ZMYND11: variants seen among roughly 807,000 people sequenced by gnomAD.
The protein encoded by ZMYND11 is zinc finger MYND domain-containing protein 11.
In ZMYND11, 9 loss-of-function variants were observed where a neutral mutation model predicts 84.9. The observed-to-expected ratio is 0.11, with a 90% CI of 0.06 to 0.18. The LOEUF is 0.18. Among genes scored for constraint, ZMYND11 ranks in the 10% least tolerant of loss-of-function variants. The pLI, the probability that ZMYND11 is intolerant of heterozygous loss-of-function variation, is 1.00. For synonymous variants in ZMYND11, 250 were observed against 244.1 expected (o/e 1.02, Z -0.23); for missense variants, 409 against 761.0 (o/e 0.54, Z 5.44).
At chr10:194,261 AC>A (rs895833881) in intron 2 of ZMYND11, among the ~76,000 whole-genome samples, 2 of 149,236 alleles carry the variant, frequency 1.3e-5, no homozygotes, top group African/African-American at 5.0e-5. Flanking sequence ...AAGTGCTGGG[AC>A]CCAGGCTGGT....
intron 2 of ZMYND11, among the ~76,000 whole-genome samples, chr10:203,656 G>A (rs187269660): frequency 2.6e-5 from 4 of 152,302 alleles, no homozygotes; most frequent in African/African-American, 4.8e-5. Context: ...CAGGAAACTT[G>A]TATGTTCTGG....
intron 1 of ZMYND11, among the ~76,000 whole-genome samples, chr10:150,998 C>T (rs1313763732): frequency 6.6e-6 from 1 of 152,196 alleles, no homozygotes; most frequent in African/African-American, 2.4e-5. Context: ...AGACCTGCAG[C>T]TGAGGGTCCT....
At chr10:152,493 A>G (rs1257170685) in intron 1 of ZMYND11, among the ~76,000 whole-genome samples, 1 of 152,232 alleles carries the variant, frequency 6.6e-6, no homozygotes, top group Non-Finnish European at 1.5e-5. Context: ...AAAGGGATCA[A>G]TTCAACAAGA....
At chr10:190,946 G>T (rs972816109) in intron 2 of ZMYND11, among the ~76,000 whole-genome samples, 6 of 151,846 alleles carry the variant, frequency 4.0e-5, no homozygotes, top group African/African-American at 1.5e-4. Context: ...TAGGATCTTT[G>T]AAGAGCATTC....
At chr10:179,621 A>C (rs932040158) in intron 1 of ZMYND11, among the ~76,000 whole-genome samples, 1 of 152,224 alleles carries the variant, frequency 6.6e-6, no homozygotes, top group Non-Finnish European at 1.5e-5. Context: ...TTTAAATTCC[A>C]TTTTGTATTG....
At chr10:237,495 A>C in intron 5 of ZMYND11, 90 bp from the exon 6 acceptor site, 1 of 772,652 alleles carries the variant, frequency 1.3e-6, no homozygotes, top group Non-Finnish European at 2.0e-6. Context: ...TAAAAAATAA[A>C]AAGGTAGAAA....
intron 3 of ZMYND11, 132 bp from the exon 4 acceptor site, chr10:221,063 G>GT: frequency 2.5e-6 from 2 of 799,012 alleles, no homozygotes; most frequent in Non-Finnish European, 4.0e-6. Context: ...TTTCCCTCTT[G>GT]TTTTAACACA....
chr10:247,346 A>T (rs1381876468), intron 11 of ZMYND11, 52 bp from the exon 12 acceptor site: 3 of 1,594,306 alleles, frequency 1.9e-6, no homozygotes, highest in Non-Finnish European at 2.6e-6. Flanking sequence ...TTTTCAGCAG[A>T]GAAGTATTTT....
intron 2 of ZMYND11, among the ~76,000 whole-genome samples, chr10:204,526 C>T (rs1943797378): frequency 6.6e-6 from 1 of 152,080 alleles, no homozygotes; most frequent in Non-Finnish European, 1.5e-5. Context: ...AGCATATCAG[C>T]TGATTTTCTT....
At chr10:172,086 C>T (rs1475357645) in intron 1 of ZMYND11, among the ~76,000 whole-genome samples, 1 of 152,162 alleles carries the variant, frequency 6.6e-6, no homozygotes, top group Non-Finnish European at 1.5e-5. Context: ...TGGCCAGGCA[C>T]GTCTCTGAAG....
chr10:210,680 C>G (rs983866139), intron 3 of ZMYND11, among the ~76,000 whole-genome samples: 1 of 152,128 alleles, frequency 6.6e-6, no homozygotes, highest in Admixed American at 6.5e-5. Flanking sequence ...ATCTGCTTCT[C>G]TTTCCTTTCA....
At chr10:181,371 C>T (rs2130732612) in intron 2 of ZMYND11, among the ~76,000 whole-genome samples, 1 of 152,354 alleles carries the variant, frequency 6.6e-6, no homozygotes, top group South Asian at 2.1e-4. Context: ...GTAATCCCAG[C>T]ACTTCAGCAG....
At chr10:247,342 G>C in intron 11 of ZMYND11, 56 bp from the exon 12 acceptor site, 1 of 1,588,504 alleles carries the variant, frequency 6.3e-7, no homozygotes, top group South Asian at 1.1e-5. Flanking sequence ...AGTGTTTTCA[G>C]CAGAGAAGTA....
intron 3 of ZMYND11, among the ~76,000 whole-genome samples, chr10:213,724 G>A (rs1945682256): frequency 6.6e-6 from 1 of 152,128 alleles, no homozygotes; most frequent in Admixed American, 6.5e-5. Context: ...AAAGAGTCTG[G>A]ACTCTTGTCT....
At chr10:224,502 G>C (rs1947742612) in intron 4 of ZMYND11, among the ~76,000 whole-genome samples, 1 of 152,044 alleles carries the variant, frequency 6.6e-6, no homozygotes, top group Non-Finnish European at 1.5e-5. Context: ...CACTTTTACT[G>C]AGATCTCTCT....
At chr10:172,378 T>C (rs571049093) in intron 1 of ZMYND11, among the ~76,000 whole-genome samples, 52 of 152,300 alleles carry the variant, frequency 3.4e-4, no homozygotes, top group Admixed American at 1.1e-3. Flanking sequence ...AAAAACACCC[T>C]GGAACTACTA....
rs150584914 is a variant in ZMYND11, at chr10:235,862, A to G, written c.439-976A>G. Reference sequence around the variant, plus strand: ...TTTCCACTTGTTATTTAGATATTTTATGTGTTTATAAACAGTGTACGTACG... The same window carrying G: ...TTTCCACTTGTTATTTAGATATTTTGTGTGTTTATAAACAGTGTACGTACG... On this transcript the variant is annotated intron_variant, in intron 4 of 14. Transcript: ENST00000381604. Among the ~76,000 whole-genome samples the G allele has an allele frequency of 3.5e-3, 530 of 152,336 alleles. 2 individuals carry two copies. Among genetic ancestry groups the G allele is most frequent in the Middle Eastern group, 6.8e-3 (2 of 294 alleles).
upstream of ZMYND11, among the ~76,000 whole-genome samples, chr10:130,275 G>A (rs1427111745): frequency 2.0e-5 from 3 of 152,176 alleles, no homozygotes; most frequent in East Asian, 3.8e-4. Flanking sequence ...TCCAGCCTGG[G>A]TTGGGCTGCT....
chr10:230,013 TAA>T (rs1948728278), intron 4 of ZMYND11, among the ~76,000 whole-genome samples: 1 of 152,178 alleles, frequency 6.6e-6, no homozygotes, highest in Admixed American at 6.5e-5. Flanking sequence ...GAATTTTATC[TAA>T]GAGAATTTAT....
Sources: allele counts gnomAD v4.1 joint callset (sites outside exome capture counted in the v4.1 genomes callset), GRCh38; gene constraint gnomAD v4.1.1; transcripts MANE v1.5; gene names NCBI Gene and HGNC (gene_info 2026-07-23, HGNC 2026-07-21).